SMARCC1: variants seen among roughly 807,000 people sequenced by gnomAD.
SMARCC1 encodes the protein SWI/SNF complex subunit SMARCC1.
Under a neutral mutation model 147.4 loss-of-function variants are expected in SMARCC1, and 43 were observed. That is an observed-to-expected ratio of 0.29 (90% CI 0.23 to 0.38). The LOEUF is 0.38. Among genes scored for constraint, SMARCC1 ranks in the 10% least tolerant of loss-of-function variants. SMARCC1 has a pLI of 1.00. For missense variants in SMARCC1, 1,119 were observed against 1,381.1 expected (o/e 0.81, Z 3.01); for synonymous variants, 495 against 484.4 (o/e 1.02, Z -0.29).
chr3:47,607,234 A>G (rs1315036404), intron 26 of SMARCC1, among the ~76,000 whole-genome samples: 2 of 152,174 alleles, frequency 1.3e-5, no homozygotes, highest in Non-Finnish European at 1.5e-5. Context: ...TGTCATTTAG[A>G]GTGGCAAGTC....
intron 24 of SMARCC1, among the ~76,000 whole-genome samples, chr3:47,632,102 T>C (rs1249688540): frequency 6.6e-6 from 1 of 152,188 alleles, no homozygotes; most frequent in African/African-American, 2.4e-5. Flanking sequence ...AATTCTTCTT[T>C]GGACACCTTT....
intron 21 of SMARCC1, among the ~76,000 whole-genome samples, chr3:47,641,795 G>A (rs972224376): frequency 6.6e-6 from 1 of 152,164 alleles, no homozygotes; most frequent in Non-Finnish European, 1.5e-5. Context: ...ACATTTTTAA[G>A]AGAAATGGTC....
At chr3:47,620,375 A>G (rs541093817) in intron 25 of SMARCC1, among the ~76,000 whole-genome samples, 25 of 152,174 alleles carry the variant, frequency 1.6e-4, no homozygotes, top group African/African-American at 5.3e-4. Context: ...AGGCAGGAGA[A>G]TGGCTTGAAC....
At chr3:47,701,025 A>G (rs2033910722) in intron 11 of SMARCC1, among the ~76,000 whole-genome samples, 1 of 152,200 alleles carries the variant, frequency 6.6e-6, no homozygotes, top group African/African-American at 2.4e-5. Context: ...ATTCTGTTGC[A>G]ATTTAAAAAC....
intron 19 of SMARCC1, among the ~76,000 whole-genome samples, chr3:47,665,740 A>G (rs1475656607): frequency 2.0e-5 from 3 of 152,200 alleles, no homozygotes; most frequent in Non-Finnish European, 4.4e-5. Context: ...GGATGATTCA[A>G]TGAAAGTTTT....
chr3:47,687,039 G>T (rs1014901824), intron 13 of SMARCC1, among the ~76,000 whole-genome samples: 11 of 152,002 alleles, frequency 7.2e-5, no homozygotes, highest in Non-Finnish European at 1.3e-4. Flanking sequence ...TTTTACAATG[G>T]TTCCACAATT....
At chr3:47,680,738 G>A (rs925411245) in intron 14 of SMARCC1, among the ~76,000 whole-genome samples, 13 of 151,496 alleles carry the variant, frequency 8.6e-5, no homozygotes, top group African/African-American at 2.4e-4. Context: ...TAGTAGAGAC[G>A]GGGTTTCACT....
intron 26 of SMARCC1, among the ~76,000 whole-genome samples, chr3:47,597,807 AGAAG>A (rs1263500166): frequency 6.6e-6 from 1 of 152,230 alleles, no homozygotes; most frequent in Non-Finnish European, 1.5e-5. Flanking sequence ...AGACAGAGCA[AGAAG>A]GAAGGGCGAG....
At chr3:47,721,496 C>T (rs1452386323) in intron 6 of SMARCC1, among the ~76,000 whole-genome samples, 5 of 151,990 alleles carry the variant, frequency 3.3e-5, no homozygotes, top group Admixed American at 3.3e-4. Context: ...AAAATGGACG[C>T]CTAATAGTAA....
chr3:47,698,005 C>CAAAAA lies in SMARCC1; in HGVS notation c.1165+3268_1165+3272dup, dbSNP rs71070213. Among the ~76,000 whole-genome samples, 17 of 12,488 alleles carry CAAAAA rather than the reference C, an allele frequency of 1.4e-3. 2 individuals are homozygous for CAAAAA. Among genetic ancestry groups the CAAAAA allele is most frequent in the Admixed American group, 3.8e-3 (2 of 522 alleles). The allele number at this position is 12,488 out of a possible 152,430, so 8.2% of individuals were successfully genotyped here. A position where few individuals can be genotyped will look rare whatever the true frequency, so the allele number is the denominator to read the frequency against. ...CCTGGGCGAGAGCGAGCCTCCGCCTCAAAAAAAAAAAAAAAAAAAAAAAAA... is the reference window on the plus strand; with the variant it reads ...CCTGGGCGAGAGCGAGCCTCCGCCTCAAAAAAAAAAAAAAAAAAAAAAAAAAAAAA... On this transcript the variant is annotated intron_variant, in intron 11 of 27. Transcript: ENST00000254480.
At chr3:47,621,974 G>A (rs1559627565) in intron 25 of SMARCC1, among the ~76,000 whole-genome samples, 1 of 152,094 alleles carries the variant, frequency 6.6e-6, no homozygotes, top group South Asian at 2.1e-4. Context: ...CAGCCAACAC[G>A]CACAAGAAGC....
chr3:47,766,729 T>A (rs1316791998), intron 2 of SMARCC1, among the ~76,000 whole-genome samples: 1 of 152,226 alleles, frequency 6.6e-6, no homozygotes, highest in Non-Finnish European at 1.5e-5. Flanking sequence ...TATACCCACA[T>A]CTTCTTAGCA....
chr3:47,697,350 G>C (rs994231234), intron 11 of SMARCC1, among the ~76,000 whole-genome samples: 12 of 151,452 alleles, frequency 7.9e-5, no homozygotes, highest in East Asian at 7.8e-4. Context: ...GCCCAGGCTG[G>C]AGTGCCCTGG....
intron 15 of SMARCC1, among the ~76,000 whole-genome samples, chr3:47,679,354 G>C (rs1363810683): frequency 6.6e-6 from 1 of 152,084 alleles, no homozygotes; most frequent in African/African-American, 2.4e-5. Flanking sequence ...AAGACAAAAA[G>C]TACTTCCGGC....
At chr3:47,675,940 G>T (rs559098923) in intron 17 of SMARCC1, among the ~76,000 whole-genome samples, 2 of 146,966 alleles carry the variant, frequency 1.4e-5, no homozygotes, top group South Asian at 4.3e-4. Flanking sequence ...GCAAGATTCC[G>T]TCTCAAAAAA....
chr3:47,732,004 G>A (rs973515390), intron 5 of SMARCC1, among the ~76,000 whole-genome samples: 1 of 152,136 alleles, frequency 6.6e-6, no homozygotes, highest in African/African-American at 2.4e-5. Flanking sequence ...GTCCTAAATA[G>A]CATCTTATTT....
chr3:47,699,362 T>A (rs2033890939), intron 11 of SMARCC1, among the ~76,000 whole-genome samples: 1 of 152,204 alleles, frequency 6.6e-6, no homozygotes. Context: ...CCATCTGGAG[T>A]TCAAGAACTG....
intron 9 of SMARCC1, among the ~76,000 whole-genome samples, chr3:47,708,892 G>A (rs976595944): frequency 2.0e-5 from 3 of 152,046 alleles, no homozygotes; most frequent in South Asian, 2.1e-4. Flanking sequence ...CTCCTACCTC[G>A]GCCTCCGAAA....
chr3:47,598,219 G>A (rs969774103), intron 26 of SMARCC1, among the ~76,000 whole-genome samples: 3 of 152,086 alleles, frequency 2.0e-5, no homozygotes, highest in Non-Finnish European at 4.4e-5. Flanking sequence ...GGTATTCTAG[G>A]TGGCGTGAAG....
Sources: allele counts gnomAD v4.1 joint callset (sites outside exome capture counted in the v4.1 genomes callset), GRCh38; gene constraint gnomAD v4.1.1; transcripts MANE v1.5; gene names NCBI Gene and HGNC (gene_info 2026-07-23, HGNC 2026-07-21).